The following BEND7 variants were observed in gnomAD, a reference collection of about 807,000 sequenced individuals.
The protein encoded by BEND7 is BEN domain-containing protein 7.
In BEND7, 28 loss-of-function variants were observed where a neutral mutation model predicts 50.9. That is an observed-to-expected ratio of 0.55 (90% CI 0.41 to 0.75). The LOEUF is 0.75. Ranked by LOEUF, BEND7 falls within the 30% of genes least tolerant of loss-of-function variation. The probability of loss-of-function intolerance (pLI) is 0.00; values close to 1 mark genes in which losing one functional copy is unlikely to be tolerated. For missense variants in BEND7, 477 were observed against 491.3 expected, an observed-to-expected ratio of 0.97 and a Z score of 0.28; for synonymous variants, 170 against 183.9, an observed-to-expected ratio of 0.92 and a Z score of 0.61.
chr10:13,487,391 T>TG (rs1393919200), intron 5 of BEND7, among the ~76,000 whole-genome samples: 3 of 148,298 alleles, frequency 2.0e-5, no homozygotes, highest in African/African-American at 7.5e-5. Flanking sequence ...TTCTTTTCTT[T>TG]TTTTTTTTTT....
At chr10:13,465,413 T>G (rs2074130989) in intron 6 of BEND7, among the ~76,000 whole-genome samples, 1 of 152,208 alleles carries the variant, frequency 6.6e-6, no homozygotes, top group Admixed American at 6.5e-5. Context: ...GGAGCCGGCA[T>G]GCGGGGCAGT....
At chr10:13,505,944 TAAAC>T (rs2077852005) in intron 2 of BEND7, among the ~76,000 whole-genome samples, 1 of 152,088 alleles carries the variant, frequency 6.6e-6, no homozygotes, top group South Asian at 2.1e-4. Context: ...ACTAAGATAG[TAAAC>T]AAATAACAGG....
chr10:13,492,996 G>A (rs1045815795), intron 4 of BEND7, 120 bp from the exon 5 acceptor site: 2 of 1,206,290 alleles, frequency 1.7e-6, no homozygotes, highest in Admixed American at 2.6e-5. Context: ...CCAGGATGAA[G>A]CACACTAAAT....
chr10:13,447,598 C>G (rs891449107), intron 7 of BEND7, among the ~76,000 whole-genome samples: 1 of 127,002 alleles, frequency 7.9e-6, no homozygotes, highest in Non-Finnish European at 1.5e-5. Context: ...GGCTGGAGTG[C>G]AGTGGCGCGA....
intron 6 of BEND7, among the ~76,000 whole-genome samples, chr10:13,462,925 G>T (rs1474946021): frequency 6.6e-6 from 1 of 152,150 alleles, no homozygotes; most frequent in African/African-American, 2.4e-5. Context: ...ATCTACAGAA[G>T]AACAACAGGT....
Position 13,491,937 on chromosome 10 carries a change from T to C in BEND7, c.837+674A>G, listed in dbSNP as rs573037770. Among the ~76,000 whole-genome samples the C allele has an allele frequency of 1.3e-4, 19 of 151,956 alleles. No homozygotes were observed. The South Asian group carries it at 2.1e-3, about 17-fold the overall frequency. On this transcript the variant is annotated intron_variant, in intron 5 of 8. Transcript: ENST00000466271. ...ACACAAACATACTTAGAGAAAGACATTGTAAATAGAAATGCAATTGCAAAT... is the reference window on the plus strand; with the variant it reads ...ACACAAACATACTTAGAGAAAGACACTGTAAATAGAAATGCAATTGCAAAT...
chr10:13,449,062 T>C (rs1837105871), intron 7 of BEND7, among the ~76,000 whole-genome samples: 2 of 152,194 alleles, frequency 1.3e-5, no homozygotes, highest in African/African-American at 2.4e-5. Context: ...ATTAAGATTC[T>C]GGAAACAGGT....
At chr10:13,443,669 G>C (rs1835699555) in intron 8 of BEND7, 1 of 152,222 alleles carries the variant, frequency 6.6e-6, no homozygotes, top group African/African-American at 2.4e-5. Context: ...TCCACATATT[G>C]TCCAGTCATG....
At chr10:13,444,550 T>C (rs1458833031) in intron 8 of BEND7, 2 of 152,212 alleles carry the variant, frequency 1.3e-5, no homozygotes, top group Non-Finnish European at 2.9e-5. Context: ...ATAAATGGGA[T>C]AATGAGAGTC....
At chr10:13,481,556 TA>T (rs2075861173) in intron 5 of BEND7, among the ~76,000 whole-genome samples, 1 of 152,246 alleles carries the variant, frequency 6.6e-6, no homozygotes, top group Non-Finnish European at 1.5e-5. Context: ...TCTCATACAC[TA>T]AATAACTTAA....
chr10:13,518,082 C>T (rs78959355), intron 2 of BEND7, among the ~76,000 whole-genome samples: 1 of 152,240 alleles, frequency 6.6e-6, no homozygotes, highest in South Asian at 2.1e-4. Flanking sequence ...GAATTGTCAA[C>T]ACGTTTCCTT....
intron 2 of BEND7, among the ~76,000 whole-genome samples, chr10:13,503,854 A>C (rs549382098): frequency 2.0e-4 from 30 of 152,290 alleles, no homozygotes; most frequent in African/African-American, 7.0e-4. Flanking sequence ...CAGAGTGTGG[A>C]AAGTTTCTTA....
At chr10:13,483,629 G>A (rs1024102013) in intron 5 of BEND7, among the ~76,000 whole-genome samples, 1 of 152,200 alleles carries the variant, frequency 6.6e-6, no homozygotes, top group Non-Finnish European at 1.5e-5. Context: ...CAGGAGTTGG[G>A]TGACCTGGAG....
downstream of BEND7, chr10:13,439,427 T>A (rs12415754): frequency 0.33 from 540,179 of 1,613,740 alleles, 98,236 homozygotes; most frequent in East Asian, 0.68. Context: ...TTGTCTGAGG[T>A]GAGCTCTGCA....
chr10:13,447,415 T>C, intron 7 of BEND7, 99 bp from the exon 8 acceptor site: 1 of 1,191,546 alleles, frequency 8.4e-7, no homozygotes, highest in Non-Finnish European at 1.2e-6. Context: ...CCAGTATACA[T>C]AACTGTTTTC....
At chr10:13,523,038 C>T (rs767688767) in intron 2 of BEND7, among the ~76,000 whole-genome samples, 3 of 152,202 alleles carry the variant, frequency 2.0e-5, no homozygotes, top group Non-Finnish European at 4.4e-5. Flanking sequence ...TGTCCTGTCT[C>T]CTCCCCAGCT....
intron 6 of BEND7, among the ~76,000 whole-genome samples, chr10:13,457,358 G>A (rs1056863518): frequency 2.0e-5 from 3 of 152,136 alleles, no homozygotes; most frequent in African/African-American, 7.2e-5. Flanking sequence ...TATTCTCTCA[G>A]TCACTAAAAG....
At chr10:13,463,669 C>T (rs1241238352) in intron 6 of BEND7, among the ~76,000 whole-genome samples, 2 of 152,236 alleles carry the variant, frequency 1.3e-5, no homozygotes, top group African/African-American at 2.4e-5. Flanking sequence ...ATTATATCAT[C>T]TGAGTAGGGA....
intron 6 of BEND7, among the ~76,000 whole-genome samples, chr10:13,464,456 CA>C (rs1208086384): frequency 6.6e-6 from 1 of 151,988 alleles, no homozygotes; most frequent in African/African-American, 2.4e-5. Flanking sequence ...GGACACAAAA[CA>C]ATAATGAATA....
Sources: gnomAD v4.1 joint callset for allele counts (sites outside exome capture counted in the v4.1 genomes callset) on GRCh38, gnomAD v4.1.1 for gene constraint, MANE v1.5 for transcripts, NCBI Gene and HGNC (gene_info 2026-07-23, HGNC 2026-07-21) for gene names.